POLK: variants seen among roughly 807,000 people sequenced by gnomAD.
The protein encoded by POLK is polymerase (DNA directed) kappa.
Under a neutral mutation model 94.0 loss-of-function variants are expected in POLK, and 76 were observed. The observed-to-expected ratio is 0.81, with a 90% CI of 0.67 to 0.98. The LOEUF is 0.98. Ranked by LOEUF, POLK falls within the 50% of genes least tolerant of loss-of-function variation. POLK has a pLI of 0.00. For synonymous variants in POLK, 349 were observed against 325.4 expected, an observed-to-expected ratio of 1.07 and a Z score of -0.78; for missense variants, 954 against 1,010.1, an observed-to-expected ratio of 0.94 and a Z score of 0.75.
At chr5:75,551,382 C>A (rs1254860901) in intron 2 of POLK, among the ~76,000 whole-genome samples, 5 of 151,552 alleles carry the variant, frequency 3.3e-5, no homozygotes, top group African/African-American at 1.2e-4. Flanking sequence ...GCCTGGGCAA[C>A]ATAATGAGAC....
chr5:75,556,764 T>TA (rs1279262825), intron 3 of POLK, among the ~76,000 whole-genome samples: 2 of 151,266 alleles, frequency 1.3e-5, no homozygotes, highest in African/African-American at 2.5e-5. Flanking sequence ...CACAATTTGT[T>TA]AAAAAACTCT....
At chr5:75,597,236 T>A in intron 13 of POLK, 58 bp downstream of exon 13, 3 of 873,390 alleles carry the variant, frequency 3.4e-6, no homozygotes, top group Non-Finnish European at 5.5e-6. Context: ...TTATTAAAAT[T>A]AATGAGATTG....
chr5:75,572,092 C>T (rs147741839), intron 4 of POLK, among the ~76,000 whole-genome samples: 2 of 152,192 alleles, frequency 1.3e-5, no homozygotes, highest in African/African-American at 2.4e-5. Flanking sequence ...TTTTGCATTT[C>T]TTTGAAATTT....
At chr5:75,604,932 G>A (rs1473476053), downstream of POLK, among the ~76,000 whole-genome samples, 1 of 152,048 alleles carries the variant, frequency 6.6e-6, no homozygotes, top group Non-Finnish European at 1.5e-5. Flanking sequence ...CATTTATTAA[G>A]CAAACCATAA....
chr5:75,592,931 G>A (rs947210432), intron 11 of POLK, among the ~76,000 whole-genome samples: 1 of 151,190 alleles, frequency 6.6e-6, no homozygotes, highest in African/African-American at 2.4e-5. Context: ...TGGCACGAGT[G>A]TGTAGTCCCA....
At chr5:75,525,815 A>G (rs1768812675) in intron 1 of POLK, among the ~76,000 whole-genome samples, 1 of 152,214 alleles carries the variant, frequency 6.6e-6, no homozygotes, top group African/African-American at 2.4e-5. Flanking sequence ...TGAAGATAAA[A>G]TAAAACTGGC....
intron 12 of POLK, 145 bp from the exon 13 acceptor site, chr5:75,596,077 T>TA (rs1416119145): frequency 1.7e-6 from 1 of 589,018 alleles, no homozygotes; most frequent in Non-Finnish European, 3.1e-6. Context: ...AATCTGTACT[T>TA]ATAATACCAG....
chr5:75,549,156 C>T (rs1482360002), intron 2 of POLK, among the ~76,000 whole-genome samples: 1 of 151,884 alleles, frequency 6.6e-6, no homozygotes, highest in African/African-American at 2.4e-5. Context: ...TTGATATTTT[C>T]ATCATAAAAA....
intron 1 of POLK, among the ~76,000 whole-genome samples, chr5:75,542,616 C>CAT (rs200462996): frequency 7.3e-4 from 109 of 149,598 alleles, no homozygotes; most frequent in Non-Finnish European, 1.3e-3. Context: ...CACATATACA[C>CAT]ATATATATAC....
chr5:75,576,713 A>G (rs1329960325), intron 5 of POLK, 67 bp from the exon 6 acceptor site: 1 of 702,672 alleles, frequency 1.4e-6, no homozygotes, highest in Non-Finnish European at 2.2e-6. Flanking sequence ...ATTTCTTATC[A>G]GCTACATATG....
intron 4 of POLK, 125 bp from the exon 5 acceptor site, chr5:75,573,613 C>A: frequency 2.6e-6 from 2 of 769,940 alleles, no homozygotes; most frequent in Non-Finnish European, 2.1e-6. Flanking sequence ...AAACAAAAAA[C>A]TGGCCTATAA....
rs183719920 is a variant in POLK, at chr5:75,557,750, T to C, written c.255+5159T>C. 9.1e-4 allele frequency among the ~76,000 whole-genome samples: 139 copies of C among 152,324 alleles called. 1 individual carries two copies. The highest frequency in any genetic ancestry group is 3.3e-3 in the African/African-American group (136 of 41,578). On this transcript the variant is annotated intron_variant, in intron 3 of 14. Coordinates refer to ENST00000241436, the Ensembl canonical transcript of POLK. Reference sequence around the variant, plus strand: ...TTTTGTTACACTTGTTCCTAAGTATTTCATTTTTGGAGGTTTTAATATAAA... The same window carrying C: ...TTTTGTTACACTTGTTCCTAAGTATCTCATTTTTGGAGGTTTTAATATAAA...
the POLK span, among the ~76,000 whole-genome samples, chr5:75,606,199 G>A: frequency 4.2e-5 from 1 of 23,784 alleles, no homozygotes. Context: ...ATTGCTGCCC[G>A]CAGGTCCCAC....
intron 1 of POLK, among the ~76,000 whole-genome samples, chr5:75,518,131 G>T (rs1298333573): frequency 1.3e-5 from 2 of 152,018 alleles, no homozygotes; most frequent in African/African-American, 4.8e-5. Flanking sequence ...AGGTAATGCT[G>T]GCCTTGTAGA....
At chr5:75,577,695 C>T (rs1256407482) in intron 6 of POLK, among the ~76,000 whole-genome samples, 1 of 152,154 alleles carries the variant, frequency 6.6e-6, no homozygotes, top group African/African-American at 2.4e-5. Context: ...CCAGGCAGTG[C>T]TGGGGAGACC....
rs558378028 is a variant in POLK at position 75,540,264 on chromosome 5, T to C, written c.-13-6746T>C. ...TATTTGTAGTGTAGCCCTATCCTAT[T>C]ATCCTGGCTTCTGTTGTAATTTTTT... On this transcript the variant is annotated intron_variant, in intron 1 of 14. Transcript: ENST00000241436. Among the ~76,000 whole-genome samples, 9 of 152,226 alleles carry C rather than the reference T, an allele frequency of 5.9e-5. No homozygotes were observed. In the South Asian group the frequency reaches 1.9e-3, roughly 32 times the overall value.
At chr5:75,562,388 A>T (rs552735078) in intron 3 of POLK, among the ~76,000 whole-genome samples, 1 of 152,334 alleles carries the variant, frequency 6.6e-6, no homozygotes, top group East Asian at 1.9e-4. Flanking sequence ...GAAGTTGCTT[A>T]TCAGCTTAAG....
intron 1 of POLK, among the ~76,000 whole-genome samples, chr5:75,539,968 A>T (rs539077506): frequency 6.6e-6 from 1 of 152,320 alleles, no homozygotes; most frequent in African/African-American, 2.4e-5. Context: ...GAACAGGGTT[A>T]TGTTGCTAAG....
chr5:75,552,653 T>C, intron 3 of POLK, 62 bp downstream of exon 3: 1 of 1,396,354 alleles, frequency 7.2e-7, no homozygotes, highest in Non-Finnish European at 9.8e-7. Flanking sequence ...AGTTAAAATG[T>C]ATTGTCAAGT....
Sources: gnomAD v4.1 joint callset for allele counts (sites outside exome capture counted in the v4.1 genomes callset) on GRCh38, gnomAD v4.1.1 for gene constraint, MANE v1.5 for transcripts, NCBI Gene and HGNC (gene_info 2026-07-23, HGNC 2026-07-21) for gene names.